The following VPS53 variants were observed in gnomAD, a reference collection of about 807,000 sequenced individuals.
VPS53 encodes the protein vacuolar protein sorting-associated protein 53 homolog.
In VPS53, 70 loss-of-function variants were observed where a neutral mutation model predicts 107.0. The ratio of observed to expected loss-of-function variants is 0.65; its 90% CI spans 0.54 to 0.80. The LOEUF is 0.80. Among genes scored for constraint, VPS53 ranks in the 30% least tolerant of loss-of-function variants. VPS53 has a pLI of 0.00. For missense variants in VPS53, 917 were observed against 1,049.4 expected, an observed-to-expected ratio of 0.87 and a Z score of 1.74; for synonymous variants, 409 against 393.3, an observed-to-expected ratio of 1.04 and a Z score of -0.47.
intron 12 of VPS53, among the ~76,000 whole-genome samples, chr17:598,361 G>T (rs1464152603): frequency 6.6e-6 from 1 of 151,988 alleles, no homozygotes; most frequent in Non-Finnish European, 1.5e-5. Flanking sequence ...TGCCGAGATT[G>T]CAGCCTCTGC....
chr17:600,849 A>G (rs1968293161), intron 12 of VPS53: 1 of 152,276 alleles, frequency 6.6e-6, no homozygotes, highest in African/African-American at 2.4e-5. Context: ...AAAAGAATTT[A>G]AAAGTGCAAA....
chr17:596,820 G>T (rs1967996526), intron 12 of VPS53, among the ~76,000 whole-genome samples: 2 of 152,180 alleles, frequency 1.3e-5, no homozygotes, highest in African/African-American at 4.8e-5. Flanking sequence ...TAATGTTTGG[G>T]CCGGGTTCTG....
At chr17:605,008 A>C (rs1968498927) in intron 11 of VPS53, among the ~76,000 whole-genome samples, 1 of 152,214 alleles carries the variant, frequency 6.6e-6, no homozygotes, top group Non-Finnish European at 1.5e-5. Context: ...GCCAGGAAGG[A>C]AAAGCAGTCG....
At position 571,827 on chromosome 17, in the gene VPS53, T is replaced by A. The variant is rs373848634; in HGVS notation, c.1314-9082A>T. ...CCCGAGGTGCCGGGATTGCAGACGG[T>A]GTCTGGTTCACTCAGTGCTCAATGG... is the stretch of plus-strand genomic sequence containing the variant. On this transcript the variant is annotated intron_variant, in intron 13 of 21. Coordinates refer to ENST00000437048, the MANE Select transcript of VPS53 (RefSeq NM_001128159.3). 6.6e-3 allele frequency among the ~76,000 whole-genome samples: 958 copies of A among 144,544 alleles called. 9 individuals carry two copies. Among genetic ancestry groups the A allele is most frequent in the African/African-American group, 0.023 (894 of 38,642 alleles). The allele number at this position is 144,544 out of a possible 152,430, so 94.8% of individuals were successfully genotyped here.
At chr17:578,750 T>C (rs72477034) in intron 13 of VPS53, among the ~76,000 whole-genome samples, 15,979 of 151,524 alleles carry the variant, frequency 0.11, 898 homozygotes, top group East Asian at 0.21. Flanking sequence ...CAGAACCTAA[T>C]GCGATCCCAG....
chr17:600,979 GT>G (rs1330332803), intron 12 of VPS53: 2 of 152,350 alleles, frequency 1.3e-5, no homozygotes, highest in East Asian at 3.9e-4. Context: ...TCCTGCCCTT[GT>G]GGTGCTGGGA....
chr17:672,587 C>T (rs926745371), intron 4 of VPS53, among the ~76,000 whole-genome samples: 5 of 152,104 alleles, frequency 3.3e-5, no homozygotes, highest in Admixed American at 6.5e-5. Flanking sequence ...CTCAGAAGAA[C>T]GGCTCATGGA....
chr17:567,413 G>A lies in VPS53; in HGVS notation c.1314-4668C>T, dbSNP rs1388252468. On this transcript the variant is annotated intron_variant, in intron 13 of 21. Coordinates refer to ENST00000437048, the MANE Select transcript of VPS53 (RefSeq NM_001128159.3). The stretch of plus-strand genomic sequence containing the variant: ...TGAGACATTAGAAAATCAGTAGCCA[G>A]TATTTCACAGAACAGAAGAATGTAA... Among the ~76,000 whole-genome samples, 5 of 152,106 alleles carry A rather than the reference G, an allele frequency of 3.3e-5. No individual in the cohort carries two copies. In the South Asian group the frequency reaches 1.0e-3, roughly 31 times the overall value.
At chr17:573,343 C>A (rs556614135) in intron 13 of VPS53, among the ~76,000 whole-genome samples, 4 of 152,352 alleles carry the variant, frequency 2.6e-5, no homozygotes, top group Admixed American at 6.5e-5. Flanking sequence ...GATGTAAGGA[C>A]GGCTTAGCCC....
rs1908284375 is a variant in VPS53, at chr17:515,990, G to C, written c.*3138C>G. The C allele has an allele frequency of 7.9e-6, 1 of 126,194 alleles. No individual in the cohort carries two copies. Among genetic ancestry groups the C allele is most frequent in the South Asian group, 2.4e-4 (1 of 4,186 alleles). The allele number at this position is 126,194 out of a possible 1,614,324, so 7.8% of individuals were successfully genotyped here. ...TTTTTTTTTTTGTATTTTTAGTAGA[G>C]ATGGGATTTTGCCATGTTGGCCAGG... On this transcript the variant is annotated 3_prime_UTR_variant, in exon 22 of 22. Coordinates refer to ENST00000437048, the MANE Select transcript of VPS53 (RefSeq NM_001128159.3).
intron 5 of VPS53, among the ~76,000 whole-genome samples, chr17:660,252 C>T (rs973068157): frequency 2.0e-5 from 3 of 152,224 alleles, no homozygotes; most frequent in African/African-American, 2.4e-5. Flanking sequence ...GATGGGTAAT[C>T]GCAAAGATAA....
chr17:677,777 T>G (rs1222200303), intron 4 of VPS53, among the ~76,000 whole-genome samples: 2 of 151,958 alleles, frequency 1.3e-5, no homozygotes, highest in Non-Finnish European at 2.9e-5. Flanking sequence ...AAAATGAAAT[T>G]TAATAAAATT....
intron 20 of VPS53, among the ~76,000 whole-genome samples, chr17:521,297 C>T (rs1908729152): frequency 6.6e-6 from 1 of 152,170 alleles, no homozygotes; most frequent in African/African-American, 2.4e-5. Context: ...TGCTGAGAAG[C>T]GGAGATCCCT....
intron 8 of VPS53, among the ~76,000 whole-genome samples, chr17:629,259 C>G (rs1969841181): frequency 6.6e-6 from 1 of 152,134 alleles, no homozygotes; most frequent in South Asian, 2.1e-4. Flanking sequence ...GCTGAACACC[C>G]TAACTTCTCA....
At chr17:647,365 AGT>A (rs1421627202) in intron 7 of VPS53, among the ~76,000 whole-genome samples, 1 of 152,204 alleles carries the variant, frequency 6.6e-6, no homozygotes, top group African/African-American at 2.4e-5. Flanking sequence ...GAAGGCAGAG[AGT>A]GTGTATTTCT....
At chr17:676,774 G>A (rs575615238) in intron 4 of VPS53, among the ~76,000 whole-genome samples, 23 of 151,766 alleles carry the variant, frequency 1.5e-4, no homozygotes, top group East Asian at 1.4e-3. Flanking sequence ...GGGACTTGGC[G>A]TTTCTAAGGT....
intron 16 of VPS53, among the ~76,000 whole-genome samples, chr17:552,276 G>C (rs1187429070): frequency 6.6e-6 from 1 of 152,222 alleles, no homozygotes; most frequent in Non-Finnish European, 1.5e-5. Flanking sequence ...AAGAAAAGTG[G>C]AGGAAATAAA....
intron 4 of VPS53, among the ~76,000 whole-genome samples, chr17:662,895 C>A (rs111477056): frequency 0.18 from 21,167 of 115,444 alleles, 1,823 homozygotes; most frequent in East Asian, 0.37. Flanking sequence ...GGAAGGAAGG[C>A]AGGCAGGCAG....
chr17:626,461 G>C (rs918693425), intron 10 of VPS53, among the ~76,000 whole-genome samples: 1 of 152,132 alleles, frequency 6.6e-6, no homozygotes, highest in African/African-American at 2.4e-5. Context: ...ATCACCTGAG[G>C]TCGGGACTTC....
Sources: allele counts gnomAD v4.1 joint callset (sites outside exome capture counted in the v4.1 genomes callset), GRCh38; gene constraint gnomAD v4.1.1; transcripts MANE v1.5; gene names NCBI Gene and HGNC (gene_info 2026-07-23, HGNC 2026-07-21).